GSTM3: variants seen among roughly 807,000 people sequenced by gnomAD.
The protein encoded by GSTM3 is glutathione S-transferase mu 3, also known as GST class-mu 3.
GSTM3 carries 34 observed loss-of-function variants against 36.1 expected under a neutral mutation model. The observed-to-expected ratio is 0.94, with a 90% CI of 0.72 to 1.25. GSTM3 has a LOEUF of 1.25. Among genes scored for constraint, GSTM3 ranks in the 50% most tolerant of loss-of-function variants. GSTM3 has a pLI of 0.00. For missense variants in GSTM3, 266 were observed against 281.6 expected (o/e 0.94, Z 0.40); for synonymous variants, 102 against 99.5 (o/e 1.03, Z -0.15).
At chr1:109,738,510 G>A (rs1649275363) in intron 4 of GSTM3, 144 bp from the exon 5 acceptor site, 1 of 618,192 alleles carries the variant, frequency 1.6e-6, no homozygotes. Context: ...ATAAGTAGAA[G>A]GTAGCAACTG....
Position 109,739,470 on chromosome 1 carries a change from A to G in GSTM3, c.148T>C (p.Trp50Arg), listed in dbSNP as rs758384444. 1.2e-6 allele frequency: 2 copies of G among 1,612,554 alleles called. No individual in the cohort carries two copies. The highest frequency in any genetic ancestry group is 1.7e-6 in the Non-Finnish European group (2 of 1,178,882). The part of the protein sequence containing the change: ...GEAPDYDRSQ[W>R]LDVKFKLDLD... ...TCTAGCTTGAATTTCACATCCAGCC[A>G]TTGGCTTCGATCATAGTCAGGAGCT... The change falls in exon 4 of 9, where the codon TGG becomes CGG. Residue 50 changes from tryptophan (W) to arginine (R), a missense_variant. Coordinates refer to ENST00000361066, the MANE Select transcript of GSTM3 (RefSeq NM_000849.5).
rs1344259710 is a variant in GSTM3 at position 109,736,538 on chromosome 1, A to C, written c.*533T>G. On this transcript the variant is annotated 3_prime_UTR_variant, in exon 9 of 9. Coordinates refer to ENST00000361066, the MANE Select transcript of GSTM3 (RefSeq NM_000849.5). ...AGCTTTGTGTTTAATGTTGGGCCTT[A>C]AATTCCAGATTAATTTTAGTGAATA... The C allele has an allele frequency of 6.6e-6, 1 of 152,234 alleles. No individual in the cohort carries two copies. The highest frequency in any genetic ancestry group is 1.5e-5 in the Non-Finnish European group (1 of 68,060). The allele number at this position is 152,234 out of a possible 1,614,324, so 9.4% of individuals were successfully genotyped here.
chr1:109,737,709 G>C lies in GSTM3; in HGVS notation c.415C>G (p.Leu139Val). 1 of 1,610,084 alleles carries C rather than the reference G, an allele frequency of 6.2e-7. No individual in the cohort carries two copies. The highest frequency in any genetic ancestry group is 8.5e-7 in the Non-Finnish European group (1 of 1,177,962). The change falls in exon 7 of 9, where the codon CTG becomes GTG. Residue 139 changes from leucine (L) to valine (V), a missense_variant. Transcript: ENST00000361066. ...PQYLEELPGQ[L>V]KQFSMFLGKF... ...CCCAGAAACATGGAGAATTGTTTCA[G>C]TTGTCCAGGTAGCTCTTCCAAGTAC... is the stretch of plus-strand genomic sequence containing the variant.
At chr1:109,739,571 C>T in intron 3 of GSTM3, 78 bp from the exon 4 acceptor site, 1 of 1,107,540 alleles carries the variant, frequency 9.0e-7, no homozygotes, top group Non-Finnish European at 1.4e-6. Context: ...AAAGAAATGA[C>T]TTGGTCCCAA....
Position 109,738,090 on chromosome 1 carries a change from C to T in GSTM3, c.372+1G>A, listed in dbSNP as rs749700408. The T allele has an allele frequency of 4.4e-5, 71 of 1,599,570 alleles. No homozygotes were observed. Among genetic ancestry groups the T allele is most frequent in the East Asian group, 6.7e-5 (3 of 44,832 alleles). On this transcript the variant is annotated splice_donor_variant, in intron 6 of 8. Coordinates refer to ENST00000361066, the MANE Select transcript of GSTM3 (RefSeq NM_000849.5). LOFTEE classifies it high-confidence loss of function. ...AGCAGATGTGTGCTAAGGAAACTCACGTGGTCAGAGCTGTAACAGAGCCTT... is the reference window on the plus strand; with the variant it reads ...AGCAGATGTGTGCTAAGGAAACTCATGTGGTCAGAGCTGTAACAGAGCCTT...
intron 6 of GSTM3, 36 bp from the exon 7 acceptor site, chr1:109,737,787 C>A: frequency 1.6e-6 from 2 of 1,278,800 alleles, no homozygotes; most frequent in South Asian, 1.3e-5. Flanking sequence ...TAGTGGTGAT[C>A]ATCTTTGTAG....
chr1:109,739,468 C>G lies in GSTM3; in HGVS notation c.150G>C (p.Trp50Cys). The G allele has an allele frequency of 6.2e-7, 1 of 1,612,634 alleles. No homozygotes were observed. The highest frequency in any genetic ancestry group is 8.5e-7 in the Non-Finnish European group (1 of 1,178,870). The stretch of plus-strand genomic sequence containing the variant: ...GGTCTAGCTTGAATTTCACATCCAG[C>G]CATTGGCTTCGATCATAGTCAGGAG... The part of the protein sequence containing the change: ...GEAPDYDRSQ[W>C]LDVKFKLDLD... Residue 50 changes from tryptophan to cysteine, a missense_variant, in exon 4 of 9, where the codon TGG (tryptophan) becomes TGC (cysteine). Physicochemically the swap from Trp to Cys is radical, Grantham distance 215 (BLOSUM62 -2). Coordinates refer to ENST00000361066, the MANE Select transcript of GSTM3 (RefSeq NM_000849.5).
Position 109,734,851 on chromosome 1 carries a change from G to C in GSTM3, c.*2220C>G. The C allele has an allele frequency of 6.6e-6, 1 of 152,416 alleles. No individual in the cohort carries two copies. Among genetic ancestry groups the C allele is most frequent in the East Asian group, 1.9e-4 (1 of 5,188 alleles). The allele number at this position is 152,416 out of a possible 1,614,324, so 9.4% of individuals were successfully genotyped here. ...TCTGACCATCACTAGAGAGATCCTT[G>C]GCTTCTGGTCCATAGGGGATGGCAA... On this transcript the variant is annotated 3_prime_UTR_variant, in exon 9 of 9. Coordinates refer to ENST00000361066, the MANE Select transcript of GSTM3 (RefSeq NM_000849.5).
At chr1:109,739,760 A>G (rs1570664634) in intron 3 of GSTM3, 73 bp downstream of exon 3, 1 of 1,187,492 alleles carries the variant, frequency 8.4e-7, no homozygotes, top group East Asian at 2.6e-5. Context: ...CGACGCCACC[A>G]CCCTCTGGGC....
intron 4 of GSTM3, among the ~76,000 whole-genome samples, chr1:109,739,032 G>A (rs1159963157): frequency 2.0e-5 from 3 of 152,116 alleles, no homozygotes; most frequent in African/African-American, 7.2e-5. Flanking sequence ...GAGGTGGGAG[G>A]ACTGCTTGAG....
rs1207726613 is a variant in GSTM3, at chr1:109,739,820, G to A, written c.124+13C>T. On this transcript the variant is annotated intron_variant, in intron 3 of 8. Coordinates refer to ENST00000361066, the MANE Select transcript of GSTM3 (RefSeq NM_000849.5). ...GGCCAGCTTGGCTGCACGGGCACGC[G>A]GAGCGGCATTACCTTCCCCGCACGT... The A allele has an allele frequency of 6.5e-7, 1 of 1,539,936 alleles. No individual in the cohort carries two copies. The highest frequency in any genetic ancestry group is 8.8e-7 in the Non-Finnish European group (1 of 1,136,082).
chr1:109,737,790 CT>C (rs1363848531), intron 6 of GSTM3, 39 bp from the exon 7 acceptor site: 3 of 1,251,132 alleles, frequency 2.4e-6, no homozygotes, highest in Non-Finnish European at 3.4e-6. Flanking sequence ...TGGTGATCAT[CT>C]TTGTAGTTAA....
intron 4 of GSTM3, among the ~76,000 whole-genome samples, chr1:109,739,145 A>C (rs1020417519): frequency 6.6e-6 from 1 of 152,194 alleles, no homozygotes; most frequent in African/African-American, 2.4e-5. Context: ...AGAAACACAC[A>C]AAAAAGAAAA....
intron 8 of GSTM3, 131 bp downstream of exon 8, chr1:109,737,326 A>G: frequency 1.2e-6 from 1 of 815,532 alleles, no homozygotes; most frequent in South Asian, 1.4e-5. Context: ...CCCAAGACTT[A>G]AAGGTCTAGA....
At chr1:109,739,090 C>T (rs1466256883) in intron 4 of GSTM3, among the ~76,000 whole-genome samples, 1 of 152,136 alleles carries the variant, frequency 6.6e-6, no homozygotes, top group Admixed American at 6.5e-5. Context: ...CACTGCACTC[C>T]AGCCTGAGCG....
At position 109,740,349 on chromosome 1, in the gene GSTM3, CG is replaced by C; in HGVS notation, c.-63del. On this transcript the variant is annotated 5_prime_UTR_variant, in exon 2 of 9. It introduces an in-frame stop codon into an upstream open reading frame of the 5' UTR. Coordinates refer to ENST00000361066, the MANE Select transcript of GSTM3 (RefSeq NM_000849.5). The stretch of plus-strand genomic sequence containing the variant: ...CTGTGAGCGGGAGGGGCTTTATACC[CG>C]ACATAAGGGGGCGGGGCCCACGCGC... 6.7e-7 allele frequency: 1 copy of C among 1,497,634 alleles called. No homozygotes were observed. The highest frequency in any genetic ancestry group is 2.3e-5 in the East Asian group (1 of 43,252). The allele number at this position is 1,497,634 out of a possible 1,614,324, so 92.8% of individuals were successfully genotyped here.
chr1:109,739,923 G>C lies in GSTM3; in HGVS notation c.49-15C>G. The C allele has an allele frequency of 1.9e-6, 3 of 1,545,064 alleles. No individual in the cohort carries two copies. The highest frequency in any genetic ancestry group is 2.4e-5 in the South Asian group (2 of 83,960). On this transcript the variant is annotated splice_polypyrimidine_tract_variant and intron_variant, in intron 2 of 8. Coordinates refer to ENST00000361066, the MANE Select transcript of GSTM3 (RefSeq NM_000849.5). ...GCGTGCGCCAGCTGGGGAAGACAGC[G>C]GTTCAGCGACTGCGCAGCTCCCACC...
chr1:109,740,272 A>G lies in GSTM3; in HGVS notation c.16T>C (p.Ser6Pro), dbSNP rs778467279. MSCESSMVLGYWDIRG... is the reference protein window; with the variant it reads MSCESPMVLGYWDIRG... ...ATATCCCAGTACCCGAGAACCATAG[A>G]CGACTCGCACGACATGGTGACGGGC... is the stretch of plus-strand genomic sequence containing the variant. Residue 6 changes from serine (S) to proline (P), a missense_variant, in exon 2 of 9, where the codon TCT (serine) becomes CCT (proline). Ser to Pro is a moderately conservative substitution (Grantham distance 74, BLOSUM62 -1). Transcript: ENST00000361066. The G allele has an allele frequency of 4.0e-5, 64 of 1,613,396 alleles. No homozygotes were observed. Among genetic ancestry groups the G allele is most frequent in the Non-Finnish European group, 4.9e-5 (58 of 1,179,622 alleles).
At position 109,735,104 on chromosome 1, in the gene GSTM3, T is replaced by TG. The variant is rs1649162073; in HGVS notation, c.*1966_*1967insC. The TG allele has an allele frequency of 6.6e-6, 1 of 152,248 alleles. No individual in the cohort carries two copies. Among genetic ancestry groups the TG allele is most frequent in the East Asian group, 1.9e-4 (1 of 5,206 alleles). 9.4% of individuals were successfully genotyped at this position (152,248 alleles called of 1,614,324 possible). ...ACTTCCACCATGGAGTCTGGGCCTT[T>TG]ATCCCACTTGCCTGCAGTAAGACTG... is the stretch of plus-strand genomic sequence containing the variant. On this transcript the variant is annotated 3_prime_UTR_variant, in exon 9 of 9. Coordinates refer to ENST00000361066, the MANE Select transcript of GSTM3 (RefSeq NM_000849.5).
Sources: allele counts gnomAD v4.1 joint callset (sites outside exome capture counted in the v4.1 genomes callset), GRCh38; gene constraint gnomAD v4.1.1; transcripts MANE v1.5; gene names NCBI Gene and HGNC (gene_info 2026-07-23, HGNC 2026-07-21).